The following FBN2 variants were observed in gnomAD, a reference collection of about 807,000 sequenced individuals.
FBN2 encodes the protein fibrillin 2, also known as fibrillin-2.
FBN2 carries 105 observed loss-of-function variants against 355.6 expected under a neutral mutation model. That is an observed-to-expected ratio of 0.30 (90% CI 0.25 to 0.35). The LOEUF (loss-of-function observed/expected upper bound fraction) is 0.35, where lower values mean the gene tolerates loss of function less well. Among genes scored for constraint, FBN2 ranks in the 10% least tolerant of loss-of-function variants. The pLI is 1.00. For missense variants in FBN2, 3,280 were observed against 3,758.7 expected, an observed-to-expected ratio of 0.87 and a Z score of 3.33; for synonymous variants, 1,350 against 1,301.2, an observed-to-expected ratio of 1.04 and a Z score of -0.81.
rs748419325 is a variant in FBN2, at chr5:128,376,806, T to C, written c.1897A>G (p.Ile633Val). The C allele has an allele frequency of 2.5e-6, 4 of 1,613,630 alleles. 1 individual carries two copies. The Admixed American group carries it at 6.7e-5, about 27-fold the overall frequency. Residue 633 changes from isoleucine to valine, a missense_variant, in exon 14 of 65, where the codon ATC becomes GTC. This residue lies in a region of FBN2 where 2,284 missense variants were observed against 2,749.5 expected (regional missense o/e 0.83). Coordinates refer to ENST00000262464, the MANE Select transcript of FBN2 (RefSeq NM_001999.4). ...TTNMCLNGMC[I>V]NEDGSFKCIC... ...CACTTGAAGCTGCCATCTTCATTGA[T>C]GCACATTCCATTCAAACACATGTTG... is the stretch of plus-strand genomic sequence containing the variant.
intron 15 of FBN2, 92 bp from the exon 16 acceptor site, chr5:128,369,426 G>A: frequency 7.9e-7 from 1 of 1,262,750 alleles, no homozygotes; most frequent in Non-Finnish European, 1.1e-6. Flanking sequence ...GTGGCCACTA[G>A]ACTGGAAGCT....
intron 37 of FBN2, among the ~76,000 whole-genome samples, 165 bp from the exon 38 acceptor site, chr5:128,312,118 A>G (rs541086263): frequency 7.2e-4 from 109 of 152,340 alleles, no homozygotes; most frequent in Middle Eastern, 3.4e-3. Flanking sequence ...TATTTTACAT[A>G]AAAGATCATA....
chr5:128,474,142 A>T (rs1754947679), intron 5 of FBN2, among the ~76,000 whole-genome samples: 1 of 152,220 alleles, frequency 6.6e-6, no homozygotes, highest in South Asian at 2.1e-4. Flanking sequence ...CACAGCCTAT[A>T]ACCCTAAAAG....
At chr5:128,296,581 A>G (rs868167077) in intron 48 of FBN2, among the ~76,000 whole-genome samples, 6,911 of 151,680 alleles carry the variant, frequency 0.046, 539 homozygotes, top group African/African-American at 0.16. Context: ...TGTATGTGTC[A>G]AGGAATTTAT....
At chr5:128,456,665 A>G (rs1754403978) in intron 6 of FBN2, among the ~76,000 whole-genome samples, 1 of 152,060 alleles carries the variant, frequency 6.6e-6, no homozygotes, top group African/African-American at 2.4e-5. Context: ...ATAAGGCCTG[A>G]AGTGAACCCC....
At chr5:128,459,464 C>A (rs1273524425) in intron 6 of FBN2, among the ~76,000 whole-genome samples, 1 of 152,050 alleles carries the variant, frequency 6.6e-6, no homozygotes, top group African/African-American at 2.4e-5. Context: ...AAGCCAGAAT[C>A]ATCCTGATAT....
chr5:128,413,995 T>C (rs574074210), intron 7 of FBN2, among the ~76,000 whole-genome samples: 1 of 152,310 alleles, frequency 6.6e-6, no homozygotes, highest in East Asian at 1.9e-4. Flanking sequence ...TTTCCAGCTT[T>C]TCTAAAGACA....
At chr5:128,379,268 C>A (rs1488606463) in intron 11 of FBN2, among the ~76,000 whole-genome samples, 3 of 152,038 alleles carry the variant, frequency 2.0e-5, no homozygotes. Context: ...GCCAGAAGAA[C>A]AATGAAAGGA....
chr5:128,455,163 G>A lies in FBN2; in HGVS notation c.827-8557C>T, dbSNP rs138484555. Among the ~76,000 whole-genome samples, 707 of 152,178 alleles carry A rather than the reference G, an allele frequency of 4.6e-3. 6 individuals carry two copies. Among genetic ancestry groups the A allele is most frequent in the Middle Eastern group, 6.8e-3 (2 of 292 alleles). Reference sequence around the variant, plus strand: ...TAAAGACAAAAAAAGAAGAAACTTTGTAAGAAAATTATACATCATATGCAC... The same window carrying A: ...TAAAGACAAAAAAAGAAGAAACTTTATAAGAAAATTATACATCATATGCAC... On this transcript the variant is annotated intron_variant, in intron 6 of 64. Transcript: ENST00000262464.
intron 5 of FBN2, among the ~76,000 whole-genome samples, chr5:128,513,419 A>G (rs565519570): frequency 6.6e-6 from 1 of 152,366 alleles, no homozygotes; most frequent in South Asian, 2.1e-4. Flanking sequence ...AAACAGGAAA[A>G]CAAGAAAAAA....
At chr5:128,454,593 A>G (rs553856946) in intron 6 of FBN2, among the ~76,000 whole-genome samples, 1 of 152,326 alleles carries the variant, frequency 6.6e-6, no homozygotes, top group Non-Finnish European at 1.5e-5. Flanking sequence ...TGCTCATTCA[A>G]CAATTGAGGA....
chr5:128,460,328 T>C (rs1754525590), intron 6 of FBN2, among the ~76,000 whole-genome samples: 1 of 151,984 alleles, frequency 6.6e-6, no homozygotes, highest in African/African-American at 2.4e-5. Flanking sequence ...AAAGAAGAAC[T>C]ACAAAACACT....
At chr5:128,388,685 G>A (rs997633366) in intron 11 of FBN2, among the ~76,000 whole-genome samples, 3 of 152,106 alleles carry the variant, frequency 2.0e-5, no homozygotes, top group Non-Finnish European at 4.4e-5. Flanking sequence ...TGGCTTGTAG[G>A]GTTCCTGCTG....
At chr5:128,516,073 A>G (rs1344027244) in intron 5 of FBN2, among the ~76,000 whole-genome samples, 2 of 152,192 alleles carry the variant, frequency 1.3e-5, no homozygotes, top group Non-Finnish European at 2.9e-5. Context: ...CGATCAAGTA[A>G]TCACCTATTT....
intron 48 of FBN2, among the ~76,000 whole-genome samples, chr5:128,297,673 G>C (rs1458361062): frequency 1.3e-5 from 2 of 151,692 alleles, no homozygotes; most frequent in African/African-American, 4.8e-5. Flanking sequence ...GCCTTTTTTT[G>C]TTTTCCATTT....
intron 11 of FBN2, among the ~76,000 whole-genome samples, chr5:128,389,044 A>AT (rs1370499936): frequency 3.3e-5 from 5 of 151,970 alleles, no homozygotes; most frequent in Non-Finnish European, 1.5e-5. Flanking sequence ...CTTTCTAATT[A>AT]TTTTTTATTT....
intron 40 of FBN2, 106 bp downstream of exon 40, chr5:128,309,877 A>T: frequency 1.6e-6 from 2 of 1,277,882 alleles, no homozygotes; most frequent in Non-Finnish European, 2.3e-6. Context: ...ATCTCAATTC[A>T]CGAAGACTGA....
At chr5:128,419,650 C>T (rs1051909075) in intron 7 of FBN2, among the ~76,000 whole-genome samples, 1 of 151,888 alleles carries the variant, frequency 6.6e-6, no homozygotes, top group Non-Finnish European at 1.5e-5. Flanking sequence ...GATGATGAAC[C>T]AATCTGGCAT....
At chr5:128,516,519 C>T (rs1441646958) in intron 5 of FBN2, among the ~76,000 whole-genome samples, 1 of 152,040 alleles carries the variant, frequency 6.6e-6, no homozygotes, top group Non-Finnish European at 1.5e-5. Context: ...ACTACTCAGT[C>T]TCTGGGTCTG....
Sources: gnomAD v4.1 joint callset for allele counts (sites outside exome capture counted in the v4.1 genomes callset) on GRCh38, gnomAD v4.1.1 for gene constraint, gnomAD v4.1.1 regional missense constraint, MANE v1.5 for transcripts, NCBI Gene and HGNC (gene_info 2026-07-23, HGNC 2026-07-21) for gene names.